The following HIVEP1 variants were observed in gnomAD, a reference collection of about 807,000 sequenced individuals.
HIVEP1 encodes zinc finger protein 40.
Under a neutral mutation model 180.0 loss-of-function variants are expected in HIVEP1, and 36 were observed. The observed-to-expected ratio is 0.20, with a 90% CI of 0.15 to 0.26. HIVEP1 has a LOEUF of 0.26. HIVEP1 is among the 10% of genes least tolerant of loss of function. The probability of loss-of-function intolerance (pLI) is 1.00; values close to 1 mark genes in which losing one functional copy is unlikely to be tolerated. For missense variants in HIVEP1, 3,143 were observed against 3,268.7 expected (o/e 0.96, Z 0.94); for synonymous variants, 1,239 against 1,239.0 (o/e 1.00, Z 0.00).
intron 2 of HIVEP1, among the ~76,000 whole-genome samples, chr6:12,032,095 T>G (rs1768984920): frequency 6.6e-6 from 1 of 152,146 alleles, no homozygotes; most frequent in African/African-American, 2.4e-5. Context: ...ATTCTGCATA[T>G]TTAAAATCCC....
chr6:12,062,281 A>G (rs1241820738), intron 2 of HIVEP1, among the ~76,000 whole-genome samples: 1 of 152,082 alleles, frequency 6.6e-6, no homozygotes, highest in Non-Finnish European at 1.5e-5. Context: ...TATATATATA[A>G]AACTATTCCT....
intron 2 of HIVEP1, among the ~76,000 whole-genome samples, chr6:12,019,415 T>C (rs1041364460): frequency 6.6e-6 from 1 of 152,204 alleles, no homozygotes; most frequent in African/African-American, 2.4e-5. Context: ...TATCTCATTG[T>C]GACAGTTTGG....
At chr6:12,189,037 T>C in the HIVEP1 span, among the ~76,000 whole-genome samples, 33 of 151,986 alleles carry the variant, frequency 2.2e-4, no homozygotes, top group Admixed American at 9.8e-4. Context: ...GTTGAATGTA[T>C]ACTTTGTGTA....
At chr6:12,029,059 CTT>C (rs1768766946) in intron 2 of HIVEP1, among the ~76,000 whole-genome samples, 2 of 152,290 alleles carry the variant, frequency 1.3e-5, no homozygotes, top group South Asian at 2.1e-4. Context: ...ATAATATTCT[CTT>C]ATATAAATGC....
Position 12,163,570 on chromosome 6 carries a change from A to C in HIVEP1, c.7266A>C (p.Gly2422=), listed in dbSNP as rs770372381. 1.2e-6 allele frequency: 2 copies of C among 1,614,174 alleles called. No individual in the cohort carries two copies. The highest frequency in any genetic ancestry group is 1.7e-6 in the Non-Finnish European group (2 of 1,180,024). Residue 2422 remains glycine, a synonymous_variant, in exon 9 of 9, where the codon GGA becomes GGC. Coordinates refer to ENST00000379388, the MANE Select transcript of HIVEP1 (RefSeq NM_002114.4). ...TYSTFVPLQA[G]PVQLTIPAVS... ...CCACGTTTGTGCCCCTTCAGGCTGG[A>C]CCAGTGCAGCTCACGATCCCTGCTG... is the stretch of plus-strand genomic sequence containing the variant.
chr6:12,047,521 A>G (rs182338615), intron 2 of HIVEP1, among the ~76,000 whole-genome samples: 5 of 152,256 alleles, frequency 3.3e-5, no homozygotes, highest in Non-Finnish European at 5.9e-5. Flanking sequence ...AGACAGGTTC[A>G]TGGTAGCCCT....
chr6:12,057,328 A>G (rs757091674), intron 2 of HIVEP1, among the ~76,000 whole-genome samples: 8 of 152,192 alleles, frequency 5.3e-5, no homozygotes, highest in East Asian at 1.9e-4. Context: ...AAATATAACT[A>G]CTGTCACCTG....
intron 2 of HIVEP1, among the ~76,000 whole-genome samples, chr6:12,074,312 G>T (rs1227849935): frequency 2.0e-5 from 3 of 151,918 alleles, no homozygotes; most frequent in African/African-American, 7.3e-5. Flanking sequence ...AAAAATAATT[G>T]GATTGGGAAA....
chr6:12,126,671 C>CT lies in HIVEP1; in HGVS notation c.6075+802dup, dbSNP rs1053103347. ...CACAGGTTAATAAACATTTACAAATCTGTCAGTAGGAAAATACTGCAGTAT... is the reference window on the plus strand; with the variant it reads ...CACAGGTTAATAAACATTTACAAATCTTGTCAGTAGGAAAATACTGCAGTAT... On this transcript the variant is annotated intron_variant, in intron 4 of 8. Transcript: ENST00000379388. Among the ~76,000 whole-genome samples the CT allele has an allele frequency of 5.8e-4, 89 of 152,154 alleles. 1 individual carries two copies. The highest frequency in any genetic ancestry group is 5.8e-3 in the Admixed American group (89 of 15,270).
chr6:12,142,406 G>A (rs1759096717), intron 7 of HIVEP1, among the ~76,000 whole-genome samples: 1 of 152,108 alleles, frequency 6.6e-6, no homozygotes, highest in Non-Finnish European at 1.5e-5. Context: ...GACATTTATA[G>A]CACTAAATGC....
the HIVEP1 span, among the ~76,000 whole-genome samples, chr6:12,199,885 C>G: frequency 6.4e-4 from 98 of 152,278 alleles, no homozygotes; most frequent in African/African-American, 2.3e-3. Context: ...TCCCAGGAAG[C>G]TGGGTGCTGC....
chr6:12,168,225 T>TACATAGATATATATACAGATATACGTGTA (rs371343189), downstream of HIVEP1, among the ~76,000 whole-genome samples: 1 of 100,800 alleles, frequency 9.9e-6, no homozygotes, highest in African/African-American at 4.5e-5. Context: ...TATACATATA[T>TACATAGATATATATACAGATATACGTGTA]TATATACATA....
the HIVEP1 span, among the ~76,000 whole-genome samples, chr6:12,187,557 A>G: frequency 6.6e-6 from 1 of 151,054 alleles, no homozygotes; most frequent in South Asian, 2.1e-4. Flanking sequence ...CCAATCCTGA[A>G]CTTTTCCAGC....
At chr6:12,178,877 A>G in the HIVEP1 span, among the ~76,000 whole-genome samples, 1 of 152,232 alleles carries the variant, frequency 6.6e-6, no homozygotes, top group Non-Finnish European at 1.5e-5. Context: ...AATAAACGAC[A>G]GTATTTTCCT....
intron 2 of HIVEP1, among the ~76,000 whole-genome samples, chr6:12,058,440 C>T (rs116458059): frequency 0.014 from 2,114 of 152,212 alleles, 23 homozygotes; most frequent in Middle Eastern, 0.068. Context: ...TCTTAAAATC[C>T]TAGAGTCATT....
chr6:12,141,848 T>C lies in HIVEP1; in HGVS notation c.6487+5956T>C, dbSNP rs1002991551. On this transcript the variant is annotated intron_variant, in intron 7 of 8. Transcript: ENST00000379388. Reference sequence around the variant, plus strand: ...AGAAGAGCTAACTATCCTAAATATATATGCACCCAATACAGGAGCACCCAG... The same window carrying C: ...AGAAGAGCTAACTATCCTAAATATACATGCACCCAATACAGGAGCACCCAG... 4.9e-4 allele frequency among the ~76,000 whole-genome samples: 75 copies of C among 151,900 alleles called. 1 individual carries two copies. The highest frequency in any genetic ancestry group is 1.9e-3 in the Admixed American group (29 of 15,256).
chr6:12,035,791 T>C (rs1769240991), intron 2 of HIVEP1, among the ~76,000 whole-genome samples: 1 of 152,106 alleles, frequency 6.6e-6, no homozygotes, highest in Admixed American at 6.5e-5. Flanking sequence ...AAGTAGGAAA[T>C]ATAGAAAAAC....
intron 1 of HIVEP1, 80 bp from the exon 2 acceptor site, chr6:12,015,446 C>T (rs1767678995): frequency 5.6e-6 from 3 of 535,306 alleles, no homozygotes; most frequent in Non-Finnish European, 9.9e-6. Context: ...TAGGTTAGTG[C>T]TCTGCTAGGC....
At position 12,120,522 on chromosome 6, in the gene HIVEP1, G is replaced by A; in HGVS notation, c.727G>A (p.Ala243Thr). ...CAAATTAAAAAACAGTTCAATGGAT[G>A]CCCCAAATCAGACTTCACAGGAATT... Reference protein sequence around the residue: ...PPKLKNSSMDAPNQTSQELVA... With the variant: ...PPKLKNSSMDTPNQTSQELVA... Residue 243 changes from alanine to threonine, a missense_variant, in exon 4 of 9, where the codon GCC (alanine) becomes ACC (threonine). By Grantham distance (58) the Ala-to-Thr change is moderately conservative. Coordinates refer to ENST00000379388, the MANE Select transcript of HIVEP1 (RefSeq NM_002114.4). The A allele has an allele frequency of 2.5e-6, 4 of 1,614,170 alleles. No homozygotes were observed. Among genetic ancestry groups the A allele is most frequent in the Non-Finnish European group, 3.4e-6 (4 of 1,180,018 alleles).
Sources: allele counts gnomAD v4.1 joint callset (sites outside exome capture counted in the v4.1 genomes callset), GRCh38; gene constraint gnomAD v4.1.1; transcripts MANE v1.5; gene names NCBI Gene and HGNC (gene_info 2026-07-23, HGNC 2026-07-21).